Variants in LRRC8B observed in about 807,000 individuals in gnomAD.
The protein encoded by LRRC8B is leucine rich repeat containing 8 VRAC subunit B, also known as volume-regulated anion channel subunit LRRC8B.
In LRRC8B, 23 loss-of-function variants were observed where a neutral mutation model predicts 58.8. The ratio of observed to expected loss-of-function variants is 0.39; its 90% CI spans 0.28 to 0.55. The LOEUF (loss-of-function observed/expected upper bound fraction) is 0.55, where lower values mean the gene tolerates loss of function less well. Ranked by LOEUF, LRRC8B falls within the 20% of genes least tolerant of loss-of-function variation. The pLI, the probability that LRRC8B is intolerant of heterozygous loss-of-function variation, is 0.62. For missense variants in LRRC8B, 694 were observed against 936.0 expected (o/e 0.74, Z 3.37); for synonymous variants, 359 against 374.1 (o/e 0.96, Z 0.47).
At chr1:89,528,694 T>C (rs1649883020) in intron 1 of LRRC8B, among the ~76,000 whole-genome samples, 1 of 152,250 alleles carries the variant, frequency 6.6e-6, no homozygotes. Context: ...TCTACAGTCT[T>C]CTGAGAACTA....
chr1:89,567,232 G>C (rs1475010560), intron 1 of LRRC8B, among the ~76,000 whole-genome samples: 1 of 152,088 alleles, frequency 6.6e-6, no homozygotes, highest in Non-Finnish European at 1.5e-5. Flanking sequence ...CTTCCAACTT[G>C]GTACTTTTAT....
At chr1:89,577,882 C>G (rs949075690) in intron 3 of LRRC8B, among the ~76,000 whole-genome samples, 1 of 151,238 alleles carries the variant, frequency 6.6e-6, no homozygotes, top group African/African-American at 2.4e-5. Flanking sequence ...TGGGAAAGAG[C>G]GCTAATTAGC....
Position 89,596,453 on chromosome 1 carries a change from ATTGT to A in LRRC8B, c.*3414_*3417del, listed in dbSNP as rs1487690870. 1.3e-5 allele frequency: 2 copies of A among 152,134 alleles called. No homozygotes were observed. Among genetic ancestry groups the A allele is most frequent in the Admixed American group, 6.5e-5 (1 of 15,276 alleles). 9.4% of individuals were successfully genotyped at this position (152,134 alleles called of 1,614,324 possible). A position where few individuals can be genotyped will look rare whatever the true frequency, so the allele number is the denominator to read the frequency against. On this transcript the variant is annotated 3_prime_UTR_variant, in exon 6 of 6. Transcript: ENST00000330947. Reference sequence around the variant, plus strand: ...CACTGCAGTGATGTATTTGCATAACATTGTTTGATAGTGAAAAATTTTTTTTCGG... The same window carrying A: ...CACTGCAGTGATGTATTTGCATAACATTGATAGTGAAAAATTTTTTTTCGG...
In LRRC8B at chr1:89,583,226, C is replaced by T. The variant is rs747603022; in HGVS notation, c.576C>T (p.Ser192=). 6.2e-6 allele frequency: 10 copies of T among 1,614,146 alleles called. No homozygotes were observed. The South Asian group carries it at 9.9e-5, about 16-fold the overall frequency. ...CCAAGTCCAAGATTTTGCTTTCGTC[C>T]TCAGGGTGTTCAGCTGACATAGATT... ...KLSKSKILLS[S]SGCSADIDSG... Residue 192 remains serine (S), a synonymous_variant, in exon 5 of 6, where the codon TCC becomes TCT. Transcript: ENST00000330947. The surrounding 1 kb of genome is among the most constrained non-coding windows in gnomAD (Gnocchi z 5.2).
intron 1 of LRRC8B, among the ~76,000 whole-genome samples, chr1:89,535,805 T>C (rs1420323863): frequency 6.6e-6 from 1 of 152,204 alleles, no homozygotes; most frequent in Non-Finnish European, 1.5e-5. Flanking sequence ...AAAAAAATGC[T>C]TAAGCATTTT....
chr1:89,555,198 T>C (rs1159744068), intron 1 of LRRC8B, among the ~76,000 whole-genome samples: 1 of 152,146 alleles, frequency 6.6e-6, no homozygotes, highest in East Asian at 1.9e-4. Flanking sequence ...TTCATATTAG[T>C]TATTTGTGCG....
At chr1:89,547,582 T>C (rs1176739413) in intron 1 of LRRC8B, among the ~76,000 whole-genome samples, 1 of 152,268 alleles carries the variant, frequency 6.6e-6, no homozygotes, top group Non-Finnish European at 1.5e-5. Context: ...CTGGCACCTG[T>C]CTTTCCTTCA....
At chr1:89,536,258 G>T (rs1650519755) in intron 1 of LRRC8B, among the ~76,000 whole-genome samples, 1 of 152,216 alleles carries the variant, frequency 6.6e-6, no homozygotes, top group Admixed American at 6.5e-5. Flanking sequence ...TTCCTCAGGG[G>T]ATATGTGGCT....
intron 1 of LRRC8B, among the ~76,000 whole-genome samples, chr1:89,525,564 G>A (rs146254403): frequency 1.3e-5 from 2 of 152,354 alleles, no homozygotes; most frequent in Non-Finnish European, 2.9e-5. Context: ...TGGTGGTGGT[G>A]TTGGGCGTTG....
intron 1 of LRRC8B, among the ~76,000 whole-genome samples, chr1:89,557,125 G>C (rs760640887): frequency 3.3e-5 from 5 of 152,198 alleles, no homozygotes; most frequent in Non-Finnish European, 7.3e-5. Flanking sequence ...TTTCTACTGA[G>C]ATGGTTGTTT....
rs147150439 is a variant in LRRC8B, at chr1:89,565,551, A to G, written c.-240-2696A>G. Among the ~76,000 whole-genome samples the G allele has an allele frequency of 5.5e-3, 845 of 152,274 alleles. 12 individuals are homozygous for G. Among genetic ancestry groups the G allele is most frequent in the African/African-American group, 0.019 (801 of 41,542 alleles). ...TTCTGCCCCTGCCATGGGGTGATGG[A>G]AATGCCTGAGGCTCTGTCGCTGTCA... On this transcript the variant is annotated intron_variant, in intron 1 of 5. Transcript: ENST00000330947.
Position 89,583,075 on chromosome 1 carries a change from A to C in LRRC8B, c.425A>C (p.Tyr142Ser). Residue 142 changes from tyrosine to serine, a missense_variant, in exon 5 of 6, where the codon TAC becomes TCC. Physicochemically the swap from Tyr to Ser is moderately radical, Grantham distance 144. Around this residue, in one of 5 missense-constraint regions of LRRC8B, gnomAD observed 316 missense variants for 403.8 expected, o/e 0.78. Coordinates refer to ENST00000330947, the MANE Select transcript of LRRC8B (RefSeq NM_001369817.2). This position sits in a 1 kb window ranked among gnomAD's most constrained non-coding sequence, Gnocchi z 5.2. ...FAACSNFWLH[Y>S]PSTSSRLEHF... ...GCCTGCAGCAACTTTTGGCTTCACT[A>C]CCCCAGTACCAGTTCCAGGCTCGAG... 1 of 1,614,002 alleles carries C rather than the reference A, an allele frequency of 6.2e-7. No homozygotes were observed. Among genetic ancestry groups the C allele is most frequent in the Non-Finnish European group, 8.5e-7 (1 of 1,180,002 alleles).
chr1:89,555,458 A>G (rs1652116818), intron 1 of LRRC8B, among the ~76,000 whole-genome samples: 2 of 152,218 alleles, frequency 1.3e-5, no homozygotes, highest in Non-Finnish European at 2.9e-5. Flanking sequence ...GGTCTAATTA[A>G]AACTCTTGTA....
Position 89,579,673 on chromosome 1 carries a change from A to G in LRRC8B, c.-42A>G, listed in dbSNP as rs1654084531. The G allele has an allele frequency of 6.6e-6, 1 of 152,622 alleles. No individual in the cohort carries two copies. Among genetic ancestry groups the G allele is most frequent in the African/African-American group, 2.4e-5 (1 of 41,452 alleles). 9.5% of individuals were successfully genotyped at this position (152,622 alleles called of 1,614,324 possible). On this transcript the variant is annotated 5_prime_UTR_variant, in exon 4 of 6. Coordinates refer to ENST00000330947, the MANE Select transcript of LRRC8B (RefSeq NM_001369817.2). ...TGACTGAAGCATATTGGATTTATTT[A>G]ATTTTTTTCACTGTAGTAAGTATAA...
At chr1:89,582,489 A>T in intron 4 of LRRC8B, 136 bp from the exon 5 acceptor site, 1 of 608,948 alleles carries the variant, frequency 1.6e-6, no homozygotes, top group Non-Finnish European at 2.9e-6. Flanking sequence ...TGTGCCCCTT[A>T]ATCAGCTCTT....
rs1655107180 is a variant in LRRC8B at position 89,593,242 on chromosome 1, T to C, written c.*199T>C. On this transcript the variant is annotated 3_prime_UTR_variant, in exon 6 of 6. Transcript: ENST00000330947. ...CTACAAAAAAATTAGCCAGGCGTGGTGGCGTGCGCCTGTAATCCCAGCTAC... is the reference window on the plus strand; with the variant it reads ...CTACAAAAAAATTAGCCAGGCGTGGCGGCGTGCGCCTGTAATCCCAGCTAC... 1 of 534,176 alleles carries C rather than the reference T, an allele frequency of 1.9e-6. No individual in the cohort carries two copies. The allele number at this position is 534,176 out of a possible 1,614,324, so 33.1% of individuals were successfully genotyped here.
At chr1:89,530,556 T>G (rs1257141069) in intron 1 of LRRC8B, among the ~76,000 whole-genome samples, 1 of 152,150 alleles carries the variant, frequency 6.6e-6, no homozygotes, top group Non-Finnish European at 1.5e-5. Flanking sequence ...AGGATATTTT[T>G]GTAGAGGGCC....
intron 3 of LRRC8B, among the ~76,000 whole-genome samples, chr1:89,578,928 T>C (rs1396304365): frequency 1.3e-5 from 2 of 152,214 alleles, no homozygotes; most frequent in Non-Finnish European, 2.9e-5. Context: ...ACAAATCTAA[T>C]ATAAAGCCTA....
chr1:89,528,300 C>G (rs1649854804), intron 1 of LRRC8B, among the ~76,000 whole-genome samples: 1 of 152,182 alleles, frequency 6.6e-6, no homozygotes, highest in African/African-American at 2.4e-5. Flanking sequence ...CTCTGCTCAT[C>G]TCTCATGGAG....
Sources: allele counts gnomAD v4.1 joint callset (sites outside exome capture counted in the v4.1 genomes callset), GRCh38; gene constraint gnomAD v4.1.1; regional missense constraint gnomAD v4.1.1; non-coding constraint Gnocchi (gnomAD v3.1); transcripts MANE v1.5; gene names NCBI Gene and HGNC (gene_info 2026-07-23, HGNC 2026-07-21).